The following PROS1 variants were observed in gnomAD, a reference collection of about 807,000 sequenced individuals.
The protein encoded by PROS1 is vitamin K-dependent protein S.
PROS1 carries 29 observed loss-of-function variants against 75.9 expected under a neutral mutation model. The ratio of observed to expected loss-of-function variants is 0.38; its 90% CI spans 0.28 to 0.52. The LOEUF is 0.52. Among genes scored for constraint, PROS1 ranks in the 20% least tolerant of loss-of-function variants. PROS1 has a pLI of 0.83. For missense variants in PROS1, 680 were observed against 810.3 expected (o/e 0.84, Z 1.95); for synonymous variants, 245 against 280.6 (o/e 0.87, Z 1.27).
At chr3:93,899,221 C>T (rs993945503) in intron 7 of PROS1, among the ~76,000 whole-genome samples, 5 of 151,494 alleles carry the variant, frequency 3.3e-5, no homozygotes, top group African/African-American at 1.2e-4. Context: ...GGTCCCTGTC[C>T]CTACTCCATA....
chr3:93,963,335 T>C (rs1176700055), intron 1 of PROS1, among the ~76,000 whole-genome samples: 3 of 152,172 alleles, frequency 2.0e-5, no homozygotes, highest in Admixed American at 1.3e-4. Flanking sequence ...TGTGATAGCA[T>C]AAACCATGCT....
intron 3 of PROS1, among the ~76,000 whole-genome samples, chr3:93,919,457 G>C (rs1465205240): frequency 8.2e-6 from 1 of 122,026 alleles, no homozygotes; most frequent in African/African-American, 3.0e-5. Context: ...ATCCTTATTT[G>C]TTTTTCCTGC....
intron 1 of PROS1, among the ~76,000 whole-genome samples, chr3:93,944,309 A>C (rs1263459355): frequency 6.6e-6 from 1 of 152,188 alleles, no homozygotes. Context: ...GAAAACAGCT[A>C]TTAGTAACAT....
At chr3:93,951,157 T>C (rs748371524) in intron 1 of PROS1, among the ~76,000 whole-genome samples, 1 of 152,146 alleles carries the variant, frequency 6.6e-6, no homozygotes, top group Non-Finnish European at 1.5e-5. Context: ...TGCAACCAAG[T>C]GGGAAAACAT....
At chr3:93,917,381 C>G (rs1359808175) in intron 3 of PROS1, among the ~76,000 whole-genome samples, 1 of 152,224 alleles carries the variant, frequency 6.6e-6, no homozygotes, top group Non-Finnish European at 1.5e-5. Context: ...CTCACCGCAA[C>G]CTCCACCTCC....
chr3:93,952,260 A>G (rs1047730876), intron 1 of PROS1, among the ~76,000 whole-genome samples: 11 of 152,162 alleles, frequency 7.2e-5, no homozygotes, highest in Non-Finnish European at 1.5e-4. Flanking sequence ...TCCACCCCAA[A>G]TCAACAGGAT....
At chr3:93,922,795 G>A (rs1708961145) in intron 3 of PROS1, among the ~76,000 whole-genome samples, 1 of 152,040 alleles carries the variant, frequency 6.6e-6, no homozygotes, top group Non-Finnish European at 1.5e-5. Flanking sequence ...GTTTTTAACA[G>A]TGGAATTCAC....
At position 93,884,640 on chromosome 3, in the gene PROS1, T is replaced by C. The variant is rs1158616724; in HGVS notation, c.1492+88A>G. 2.1e-6 allele frequency: 3 copies of C among 1,415,242 alleles called. No individual in the cohort carries two copies. The Admixed American group carries it at 5.3e-5, about 25-fold the overall frequency. 87.7% of individuals were successfully genotyped at this position (1,415,242 alleles called of 1,614,324 possible). A position where few individuals can be genotyped will look rare whatever the true frequency, so the allele number is the denominator to read the frequency against. ...GAGTGGGCACACAGTAGATACTCAA[T>C]AATGTTTCACAAATAAATTATTACT... is the stretch of plus-strand genomic sequence containing the variant. On this transcript the variant is annotated intron_variant, in intron 12 of 14. Coordinates refer to ENST00000394236, the MANE Select transcript of PROS1 (RefSeq NM_000313.4).
At chr3:93,895,097 G>A (rs781187306) in intron 9 of PROS1, among the ~76,000 whole-genome samples, 38 of 151,928 alleles carry the variant, frequency 2.5e-4, no homozygotes, top group Non-Finnish European at 3.7e-4. Flanking sequence ...ACTTTAAGTC[G>A]TCTCTACATT....
intron 1 of PROS1, among the ~76,000 whole-genome samples, chr3:93,954,580 G>T (rs187881453): frequency 6.6e-6 from 1 of 151,966 alleles, no homozygotes; most frequent in Admixed American, 6.6e-5. Flanking sequence ...TTAATTCAAG[G>T]TGGATTAAAG....
intron 1 of PROS1, among the ~76,000 whole-genome samples, chr3:93,957,421 T>G (rs552291094): frequency 6.6e-6 from 1 of 152,196 alleles, no homozygotes; most frequent in Non-Finnish European, 1.5e-5. Context: ...CTTTCTTGAA[T>G]AGTTTTAAAA....
chr3:93,892,393 G>C (rs990567525), intron 10 of PROS1, among the ~76,000 whole-genome samples: 7 of 151,360 alleles, frequency 4.6e-5, no homozygotes, highest in East Asian at 2.0e-4. Flanking sequence ...GGGAGGCCAA[G>C]GCAAGTGGAT....
chr3:93,876,884 T>C, intron 14 of PROS1, 82 bp downstream of exon 14: 1 of 956,696 alleles, frequency 1.0e-6, no homozygotes, highest in African/African-American at 1.7e-5. Flanking sequence ...TCTGATGCTT[T>C]TTTACTATAA....
chr3:93,964,709 T>C (rs1444709919), intron 1 of PROS1, among the ~76,000 whole-genome samples: 1 of 152,162 alleles, frequency 6.6e-6, no homozygotes. Context: ...TCCCTGTTCT[T>C]ACACCCACTC....
At chr3:93,877,374 CTA>C (rs1191623658) in intron 13 of PROS1, among the ~76,000 whole-genome samples, 183 bp from the exon 14 acceptor site, 1 of 152,000 alleles carries the variant, frequency 6.6e-6, no homozygotes, top group East Asian at 1.9e-4. Context: ...ATAATTATGA[CTA>C]AAATTTAAAA....
intron 1 of PROS1, among the ~76,000 whole-genome samples, chr3:93,971,556 T>G (rs1709881527): frequency 6.6e-6 from 1 of 150,390 alleles, no homozygotes; most frequent in South Asian, 2.1e-4. Context: ...GCTTGAACCC[T>G]GGAGTTCAAG....
chr3:93,965,798 G>A (rs1389965546), intron 1 of PROS1, among the ~76,000 whole-genome samples: 2 of 152,082 alleles, frequency 1.3e-5, no homozygotes, highest in East Asian at 1.9e-4. Context: ...AGGTCCCAGC[G>A]ATTCTCCTGC....
At chr3:93,942,379 C>T (rs1709302963) in intron 1 of PROS1, among the ~76,000 whole-genome samples, 1 of 152,170 alleles carries the variant, frequency 6.6e-6, no homozygotes, top group Non-Finnish European at 1.5e-5. Context: ...GGTCCTCCAT[C>T]ATTAATGCCT....
At chr3:93,911,115 G>A (rs963463394) in intron 3 of PROS1, 5 of 214,586 alleles carry the variant, frequency 2.3e-5, no homozygotes, top group South Asian at 1.4e-4. Context: ...GAATCAGTTC[G>A]TGTTTCTACT....
Sources: gnomAD v4.1 joint callset for allele counts (sites outside exome capture counted in the v4.1 genomes callset) on GRCh38, gnomAD v4.1.1 for gene constraint, MANE v1.5 for transcripts, NCBI Gene and HGNC (gene_info 2026-07-23, HGNC 2026-07-21) for gene names.